Variants in MDGA2 observed in about 807,000 individuals in gnomAD.
MDGA2 encodes MAM domain containing glycosylphosphatidylinositol anchor 2, also known as MAM domain-containing glycosylphosphatidylinositol anchor protein 2.
MDGA2 carries 40 observed loss-of-function variants against 117.8 expected under a neutral mutation model. The ratio of observed to expected loss-of-function variants is 0.34; its 90% CI spans 0.26 to 0.44. The LOEUF (loss-of-function observed/expected upper bound fraction) is 0.44. Among genes scored for constraint, MDGA2 ranks in the 20% least tolerant of loss-of-function variants. The pLI is 1.00. For missense variants in MDGA2, 1,123 were observed against 1,250.6 expected (o/e 0.90, Z 1.54); for synonymous variants, 452 against 439.0 (o/e 1.03, Z -0.37).
intron 5 of MDGA2, among the ~76,000 whole-genome samples, chr14:47,102,349 G>C (rs1433187491): frequency 6.9e-6 from 1 of 144,436 alleles, no homozygotes; most frequent in East Asian, 2.0e-4. Context: ...TCACAGAGAA[G>C]ATTGTGAGGA....
At chr14:47,338,032 T>C (rs967095226) in intron 1 of MDGA2, among the ~76,000 whole-genome samples, 2 of 152,042 alleles carry the variant, frequency 1.3e-5, no homozygotes, top group African/African-American at 4.8e-5. Flanking sequence ...TTTTAAATAA[T>C]TGTATGGTGC....
intron 7 of MDGA2, among the ~76,000 whole-genome samples, chr14:47,060,779 T>C (rs190575267): frequency 2.1e-3 from 313 of 152,252 alleles, no homozygotes; most frequent in Non-Finnish European, 3.8e-3. Context: ...CTTTAACATA[T>C]CAATTTTTGT....
intron 2 of MDGA2, among the ~76,000 whole-genome samples, chr14:47,231,367 C>T (rs1886683163): frequency 6.6e-6 from 1 of 151,910 alleles, no homozygotes; most frequent in Non-Finnish European, 1.5e-5. Flanking sequence ...TTCTCAGATC[C>T]CAAAGTAGTA....
intron 1 of MDGA2, among the ~76,000 whole-genome samples, chr14:47,450,813 T>C (rs990344082): frequency 2.6e-5 from 4 of 152,164 alleles, no homozygotes; most frequent in African/African-American, 7.2e-5. Context: ...GTGATTGTGA[T>C]TGGAATTTAT....
intron 3 of MDGA2, among the ~76,000 whole-genome samples, chr14:47,212,756 C>T (rs1485087273): frequency 6.6e-6 from 1 of 152,152 alleles, no homozygotes; most frequent in East Asian, 1.9e-4. Flanking sequence ...ACCGCGGAAC[C>T]TTGTAGTGTA....
At chr14:46,984,939 C>T (rs1886809100) in intron 8 of MDGA2, among the ~76,000 whole-genome samples, 1 of 151,896 alleles carries the variant, frequency 6.6e-6, no homozygotes, top group African/African-American at 2.4e-5. Flanking sequence ...GCTGAATTTC[C>T]CTTAAAATAC....
chr14:47,182,123 T>G (rs1039500517), intron 3 of MDGA2, among the ~76,000 whole-genome samples: 9 of 152,266 alleles, frequency 5.9e-5, no homozygotes, highest in East Asian at 5.8e-4. Context: ...CCCTTAATAT[T>G]TGATTCTTCT....
intron 3 of MDGA2, chr14:47,200,786 T>C: frequency 3.6e-6 from 3 of 825,892 alleles, no homozygotes; most frequent in Non-Finnish European, 4.1e-6. Flanking sequence ...TTAGGCAAAC[T>C]TTCTTGCAGG....
At chr14:47,212,188 T>C (rs984200146) in intron 3 of MDGA2, among the ~76,000 whole-genome samples, 3 of 152,178 alleles carry the variant, frequency 2.0e-5, no homozygotes, top group Non-Finnish European at 4.4e-5. Flanking sequence ...ACATTCCTTA[T>C]GCTATTTGCC....
At chr14:47,200,441 T>G (rs1885450792) in intron 3 of MDGA2, 1 of 422,260 alleles carries the variant, frequency 2.4e-6, no homozygotes, top group East Asian at 3.6e-5. Flanking sequence ...AAGAGTTTAA[T>G]GCCATAATCA....
At chr14:47,322,888 C>T (rs1890022110) in intron 1 of MDGA2, among the ~76,000 whole-genome samples, 1 of 151,982 alleles carries the variant, frequency 6.6e-6, no homozygotes, top group Non-Finnish European at 1.5e-5. Context: ...CCTCTCCCTT[C>T]CAACCATAAC....
At chr14:47,085,458 G>A (rs1890862778) in intron 6 of MDGA2, among the ~76,000 whole-genome samples, 1 of 152,108 alleles carries the variant, frequency 6.6e-6, no homozygotes, top group Non-Finnish European at 1.5e-5. Context: ...CAATATCACA[G>A]TCTAGTCTCA....
chr14:47,273,586 T>A (rs1324320837), intron 2 of MDGA2, among the ~76,000 whole-genome samples: 1 of 152,190 alleles, frequency 6.6e-6, no homozygotes, highest in Non-Finnish European at 1.5e-5. Flanking sequence ...TTTCAGTATG[T>A]AAATATTGAT....
At chr14:46,957,745 AGAG>A in intron 8 of MDGA2, 102 bp from the exon 9 acceptor site, 7 of 1,285,622 alleles carry the variant, frequency 5.4e-6, no homozygotes, top group East Asian at 2.3e-5. Flanking sequence ...ATGCAGCAAT[AGAG>A]GAGGAGTGTA....
At chr14:47,440,273 A>C (rs1479576271) in intron 1 of MDGA2, among the ~76,000 whole-genome samples, 1 of 152,066 alleles carries the variant, frequency 6.6e-6, no homozygotes, top group East Asian at 1.9e-4. Flanking sequence ...AGGACGTATA[A>C]ATATCTGGCC....
intron 14 of MDGA2, among the ~76,000 whole-genome samples, chr14:46,857,058 C>T (rs907063117): frequency 6.6e-6 from 1 of 152,170 alleles, no homozygotes; most frequent in Non-Finnish European, 1.5e-5. Flanking sequence ...CATTTATCTG[C>T]CCCATTTCTT....
intron 5 of MDGA2, among the ~76,000 whole-genome samples, chr14:47,107,897 C>T (rs1344703569): frequency 6.6e-6 from 1 of 151,664 alleles, no homozygotes; most frequent in Non-Finnish European, 1.5e-5. Context: ...CCTACAGGGT[C>T]TGAGAAGGCC....
chr14:47,397,158 A>T (rs549285782), intron 1 of MDGA2, among the ~76,000 whole-genome samples: 9 of 152,354 alleles, frequency 5.9e-5, no homozygotes, highest in African/African-American at 1.7e-4. Context: ...GCCAAAAAAA[A>T]GGATGAGTTT....
At chr14:47,384,768 C>T (rs1208736897) in intron 1 of MDGA2, among the ~76,000 whole-genome samples, 10 of 152,048 alleles carry the variant, frequency 6.6e-5, no homozygotes, top group Non-Finnish European at 1.5e-4. Context: ...CAAAATATTG[C>T]AAAAACAAAT....
Sources: allele counts gnomAD v4.1 joint callset (sites outside exome capture counted in the v4.1 genomes callset), GRCh38; gene constraint gnomAD v4.1.1; transcripts MANE v1.5; gene names NCBI Gene and HGNC (gene_info 2026-07-23, HGNC 2026-07-21).